Variants in TMEM63A observed in about 807,000 individuals in gnomAD.
TMEM63A encodes the protein mechanosensitive cation channel TMEM63A.
TMEM63A carries 76 observed loss-of-function variants against 100.6 expected under a neutral mutation model. The observed-to-expected ratio is 0.76, with a 90% confidence interval of 0.63 to 0.91. The LOEUF is 0.91. TMEM63A is among the 40% of genes least tolerant of loss of function. The pLI, the probability that TMEM63A is intolerant of heterozygous loss-of-function variation, is 0.00. For synonymous variants in TMEM63A, 401 were observed against 401.1 expected, an observed-to-expected ratio of 1.00 and a Z score of 0.00; for missense variants, 876 against 1,008.8, an observed-to-expected ratio of 0.87 and a Z score of 1.78.
At position 225,845,576 on chromosome 1, in the gene TMEM63A, CAG is replaced by C. The variant is rs1668908201; in HGVS notation, c.*1361_*1362del. 1.7e-6 allele frequency: 1 copy of C among 597,634 alleles called. No individual in the cohort carries two copies. Among genetic ancestry groups the C allele is most frequent in the South Asian group, 2.0e-5 (1 of 50,586 alleles). 37.0% of individuals were successfully genotyped at this position (597,634 alleles called of 1,614,324 possible). ...CTTTACTCTAAAAGCGGCTGGAACT[CAG>C]TGACATGAGCGTGCGCTGACCCCAC... On this transcript the variant is annotated 3_prime_UTR_variant, in exon 25 of 25. Transcript: ENST00000366835.
rs1669836092 is a variant in TMEM63A, at chr1:225,859,654, T to C, written c.1224-305A>G. The C allele has an allele frequency of 6.3e-5, 21 of 332,826 alleles. 2 individuals are homozygous for C. The South Asian group carries it at 6.4e-4, about 10-fold the overall frequency. 20.6% of individuals were successfully genotyped at this position (332,826 alleles called of 1,614,324 possible). A position where few individuals can be genotyped will look rare whatever the true frequency, so the allele number is the denominator to read the frequency against. On this transcript the variant is annotated intron_variant, in intron 14 of 24. Transcript: ENST00000366835. ...CATTTATTTTTTCTTTTTCTGTTTT[T>C]TTTTTTTTGGAGACAGAGTCTTGCT...
intron 3 of TMEM63A, among the ~76,000 whole-genome samples, chr1:225,876,657 G>GTT (rs397983049): frequency 7.1e-4 from 32 of 44,832 alleles, no homozygotes; most frequent in East Asian, 6.3e-3. Context: ...TGTTTTTTTG[G>GTT]TTTTTTTTGA....
At position 225,853,727 on chromosome 1, in the gene TMEM63A, C is replaced by T. The variant is rs1576074651; in HGVS notation, c.1699G>A (p.Gly567Ser). The change falls in exon 19 of 25, where the codon GGC becomes AGC. Residue 567 changes from glycine (G) to serine (S), a missense_variant. Physicochemically the swap from Gly to Ser is moderately conservative, Grantham distance 56. Around this residue, in one of 5 missense-constraint regions of TMEM63A, gnomAD observed 339 missense variants for 342.3 expected, o/e 0.99. Coordinates refer to ENST00000366835, the MANE Select transcript of TMEM63A (RefSeq NM_014698.3). This position sits in a 1 kb window ranked among gnomAD's most constrained non-coding sequence, Gnocchi z 4.0. The stretch of plus-strand genomic sequence containing the variant: ...AGCCGCAGCAGCTCCATGCCATTGC[C>T]GATGAAGGCCGAGGCGATGACATAG... ...VNYVIASAFI[G>S]NGMELLRLPG... 1 of 1,602,912 alleles carries T rather than the reference C, an allele frequency of 6.2e-7. No homozygotes were observed. Among genetic ancestry groups the T allele is most frequent in the Non-Finnish European group, 8.5e-7 (1 of 1,174,752 alleles).
chr1:225,846,969 C>T, intron 24 of TMEM63A, 37 bp from the exon 25 acceptor site: 2 of 1,505,116 alleles, frequency 1.3e-6, no homozygotes, highest in Non-Finnish European at 1.8e-6. Flanking sequence ...ACTTGGGAGT[C>T]AGGCCGCTTC....
At chr1:225,851,484 C>G (rs1669339446) in intron 20 of TMEM63A, among the ~76,000 whole-genome samples, 1 of 152,144 alleles carries the variant, frequency 6.6e-6, no homozygotes, top group South Asian at 2.1e-4. Flanking sequence ...ATTCTCCTAC[C>G]TCAGCCTCCC....
rs772645534 is a variant in TMEM63A at position 225,853,742 on chromosome 1, C to T, written c.1684G>A (p.Ala562Thr). 1.9e-5 allele frequency: 30 copies of T among 1,606,496 alleles called. No individual in the cohort carries two copies. In the South Asian group the frequency reaches 2.6e-4, roughly 14 times the overall value. The change falls in exon 19 of 25, where the codon GCC (alanine) becomes ACC (threonine). Residue 562 changes from alanine to threonine, a missense_variant. Ala to Thr is a moderately conservative substitution (Grantham distance 58, BLOSUM62 0). Coordinates refer to ENST00000366835, the MANE Select transcript of TMEM63A (RefSeq NM_014698.3). This position sits in a 1 kb window ranked among gnomAD's most constrained non-coding sequence, Gnocchi z 4.0. ...QGAFFVNYVI[A>T]SAFIGNGMEL... The stretch of plus-strand genomic sequence containing the variant: ...ATGCCATTGCCGATGAAGGCCGAGG[C>T]GATGACATAGTTCACAAAGAAGGCA...
In TMEM63A at chr1:225,845,915, C is replaced by T. The variant is rs760650094; in HGVS notation, c.*1024G>A. 2 of 175,604 alleles carry T rather than the reference C, an allele frequency of 1.1e-5. No homozygotes were observed. Among genetic ancestry groups the T allele is most frequent in the Non-Finnish European group, 2.5e-5 (2 of 81,210 alleles). 10.9% of individuals were successfully genotyped at this position (175,604 alleles called of 1,614,324 possible). A position where few individuals can be genotyped will look rare whatever the true frequency, so the allele number is the denominator to read the frequency against. ...AGGCCAGTTGTGCTAGGAGCCTGGA[C>T]CTGCTCTTCCACACCCCCATCCCGC... On this transcript the variant is annotated 3_prime_UTR_variant, in exon 25 of 25. Transcript: ENST00000366835.
At chr1:225,868,494 G>A (rs560542629) in intron 6 of TMEM63A, among the ~76,000 whole-genome samples, 4 of 151,424 alleles carry the variant, frequency 2.6e-5, no homozygotes, top group African/African-American at 4.9e-5. Flanking sequence ...TGGCCAACAC[G>A]GTGAAACTGT....
rs1423091803 is a variant in TMEM63A at position 225,845,545 on chromosome 1, A to C, written c.*1394T>G. On this transcript the variant is annotated 3_prime_UTR_variant, in exon 25 of 25. Transcript: ENST00000366835. ...TGGTAAGCAACATGGCTTTGATGAT[A>C]AACGACTTTACTCTAAAAGCGGCTG... 23 of 623,470 alleles carry C rather than the reference A, an allele frequency of 3.7e-5. No individual in the cohort carries two copies. Among genetic ancestry groups the C allele is most frequent in the Non-Finnish European group, 6.4e-5 (23 of 356,770 alleles). The allele number at this position is 623,470 out of a possible 1,614,324, so 38.6% of individuals were successfully genotyped here.
In TMEM63A at chr1:225,874,339, C is replaced by G. The variant is rs1438537078; in HGVS notation, c.215G>C (p.Arg72Thr). The G allele has an allele frequency of 8.7e-6, 14 of 1,613,884 alleles. No homozygotes were observed. Among genetic ancestry groups the G allele is most frequent in the Non-Finnish European group, 1.1e-5 (13 of 1,179,980 alleles). Residue 72 changes from arginine to threonine, a missense_variant, in exon 4 of 25, where the codon AGA (arginine) becomes ACA (threonine). Physicochemically the swap from Arg to Thr is moderately conservative, Grantham distance 71. Transcript: ENST00000366835. ...GCGGCCATAGTCCCAGAATCTTCTT[C>G]TTATAATAGAAAACACCAAGATTAA... ...LFLILVFSII[R>T]RRFWDYGRIA...
intron 1 of TMEM63A, among the ~76,000 whole-genome samples, chr1:225,881,698 C>T (rs1164436325): frequency 6.6e-6 from 1 of 152,170 alleles, no homozygotes; most frequent in Non-Finnish European, 1.5e-5. Flanking sequence ...GCTGAATGAC[C>T]AAGGCCCCTC....
downstream of TMEM63A, among the ~76,000 whole-genome samples, chr1:225,844,268 T>G (rs1668707615): frequency 2.1e-5 from 3 of 146,146 alleles, no homozygotes; most frequent in Admixed American, 6.8e-5. Context: ...GCAAGGTGGG[T>G]GGGGGGAGGA....
rs1213860211 is a variant in TMEM63A, at chr1:225,852,766, G to C, written c.1801C>G (p.Gln601Glu). 1.9e-6 allele frequency: 3 copies of C among 1,613,976 alleles called. No individual in the cohort carries two copies. Among genetic ancestry groups the C allele is most frequent in the Admixed American group, 1.7e-5 (1 of 60,018 alleles). ...GCTCCAAACTCGTACTGGAAGGCCT[G>C]GTTCTGGGAGGAGGAGGTGGTGAGG... is the stretch of plus-strand genomic sequence containing the variant. ...AADRRNVKQNQAFQYEFGAMY... is the reference protein window; with the variant it reads ...AADRRNVKQNEAFQYEFGAMY... The change falls in exon 20 of 25, where the codon CAG becomes GAG. Residue 601 changes from glutamine to glutamate, a missense_variant. Gln to Glu is a conservative substitution (Grantham distance 29, BLOSUM62 2). This residue lies in a region of TMEM63A where 339 missense variants were observed against 342.3 expected (regional missense o/e 0.99). Transcript: ENST00000366835.
At chr1:225,840,752 C>G (rs1466446765), downstream of TMEM63A, 1 of 154,414 alleles carries the variant, frequency 6.5e-6, no homozygotes, top group African/African-American at 2.4e-5. Flanking sequence ...TGTAGCATCA[C>G]GTCAGTCCGG....
chr1:225,872,292 A>T (rs915294402), intron 4 of TMEM63A, among the ~76,000 whole-genome samples: 2 of 152,206 alleles, frequency 1.3e-5, no homozygotes, highest in Non-Finnish European at 2.9e-5. Flanking sequence ...GCAAGGGGTC[A>T]ACACCCAGAA....
Position 225,846,875 on chromosome 1 carries a change from TC to T in TMEM63A, c.*63del. On this transcript the variant is annotated 3_prime_UTR_variant, in exon 25 of 25. Coordinates refer to ENST00000366835, the MANE Select transcript of TMEM63A (RefSeq NM_014698.3). The stretch of plus-strand genomic sequence containing the variant: ...CTGGGCAGTCCCAACGCATTCCCAC[TC>T]AGCCAAGGGCCTGAGCCCCAGGCCA... 1 of 850,806 alleles carries T rather than the reference TC, an allele frequency of 1.2e-6. No individual in the cohort carries two copies. The allele number at this position is 850,806 out of a possible 1,614,324, so 52.7% of individuals were successfully genotyped here.
chr1:225,866,003 A>G, intron 9 of TMEM63A, 36 bp from the exon 10 acceptor site: 1 of 1,607,420 alleles, frequency 6.2e-7, no homozygotes, highest in Non-Finnish European at 8.5e-7. Flanking sequence ...GAAGTCACCC[A>G]CAAGCCAGTG....
rs147789355 is a variant in TMEM63A at position 225,880,201 on chromosome 1, G to A, written c.-205-791C>T. Among the ~76,000 whole-genome samples the A allele has an allele frequency of 7.9e-4, 121 of 152,292 alleles. 3 individuals are homozygous for A. The East Asian group carries it at 0.021, about 27-fold the overall frequency. Reference sequence around the variant, plus strand: ...GTGGCCAGTCCTGTCTGCCCTCTCCGATGAGCACCCAGGTTAGGGTAGAGC... The same window carrying A: ...GTGGCCAGTCCTGTCTGCCCTCTCCAATGAGCACCCAGGTTAGGGTAGAGC... On this transcript the variant is annotated intron_variant, in intron 1 of 24. Transcript: ENST00000366835.
intron 22 of TMEM63A, 49 bp from the exon 23 acceptor site, chr1:225,848,603 T>TGAAC: frequency 6.3e-7 from 1 of 1,593,208 alleles, no homozygotes. Context: ...CTGATCTCTG[T>TGAAC]GAACAAACAC....
Sources: allele counts gnomAD v4.1 joint callset (sites outside exome capture counted in the v4.1 genomes callset), GRCh38; gene constraint gnomAD v4.1.1; regional missense constraint gnomAD v4.1.1; non-coding constraint Gnocchi (gnomAD v3.1); transcripts MANE v1.5; gene names NCBI Gene and HGNC (gene_info 2026-07-23, HGNC 2026-07-21).